CCSER1: variants seen among roughly 807,000 people sequenced by gnomAD.
CCSER1 encodes the protein coiled-coil serine rich protein 1.
Under a neutral mutation model 82.0 loss-of-function variants are expected in CCSER1, and 41 were observed. The observed-to-expected ratio is 0.50, with a 90% CI of 0.39 to 0.65. The LOEUF is 0.65. Ranked by LOEUF, CCSER1 falls within the 30% of genes least tolerant of loss-of-function variation. The probability of loss-of-function intolerance (pLI) is 0.00; values close to 1 mark genes in which losing one functional copy is unlikely to be tolerated. For missense variants in CCSER1, 1,119 were observed against 1,064.2 expected (o/e 1.05, Z -0.72); for synonymous variants, 414 against 383.9 (o/e 1.08, Z -0.92).
intron 9 of CCSER1, among the ~76,000 whole-genome samples, chr4:91,060,942 T>C (rs1743898877): frequency 6.6e-6 from 1 of 152,064 alleles, no homozygotes; most frequent in Non-Finnish European, 1.5e-5. Flanking sequence ...ATATTGTTGG[T>C]TTTTGATACA....
At chr4:90,515,789 A>G (rs1204628324) in intron 5 of CCSER1, among the ~76,000 whole-genome samples, 1 of 152,174 alleles carries the variant, frequency 6.6e-6, no homozygotes, top group Non-Finnish European at 1.5e-5. Flanking sequence ...ACAAATTGTT[A>G]TATGTCAGAA....
At chr4:91,347,988 A>G (rs1338858506) in intron 10 of CCSER1, among the ~76,000 whole-genome samples, 1 of 151,464 alleles carries the variant, frequency 6.6e-6, no homozygotes, top group Non-Finnish European at 1.5e-5. Flanking sequence ...TTCTTATTTC[A>G]TTGGCTGGTA....
rs115585035 is a variant in CCSER1, at chr4:90,894,334, C to T, written c.2095-29036C>T. ...CACATTTTTTTAAACTAAAACAATA[C>T]AGCAGTCAAAGGAAATAGTTGATCT... On this transcript the variant is annotated intron_variant, in intron 8 of 10. Transcript: ENST00000509176. 9.5e-3 allele frequency among the ~76,000 whole-genome samples: 1,439 copies of T among 152,046 alleles called. 20 individuals are homozygous for T. The highest frequency in any genetic ancestry group is 0.033 in the African/African-American group (1,373 of 41,514).
chr4:91,108,508 G>A (rs1337946554), intron 10 of CCSER1, among the ~76,000 whole-genome samples: 1 of 152,134 alleles, frequency 6.6e-6, no homozygotes, highest in African/African-American at 2.4e-5. Flanking sequence ...TGATACCATT[G>A]TCAAACCAAA....
At chr4:90,663,859 G>A (rs1475494810) in intron 6 of CCSER1, 3 of 365,866 alleles carry the variant, frequency 8.2e-6, no homozygotes, top group Non-Finnish European at 1.7e-5. Flanking sequence ...ACTTGTCAAG[G>A]ATGAGTGTTT....
At chr4:91,306,059 T>TGTG (rs1745048983) in intron 10 of CCSER1, among the ~76,000 whole-genome samples, 4 of 139,536 alleles carry the variant, frequency 2.9e-5, no homozygotes, top group Admixed American at 2.2e-4. Flanking sequence ...ATCAGTGTGT[T>TGTG]TGTGTGTGTG....
intron 1 of CCSER1, among the ~76,000 whole-genome samples, chr4:90,233,702 G>T (rs1203052749): frequency 1.3e-5 from 2 of 148,420 alleles, no homozygotes; most frequent in South Asian, 4.3e-4. Flanking sequence ...AAAAGCCTTC[G>T]CAGTGAAGTG....
chr4:90,883,546 T>G (rs890144359), intron 8 of CCSER1, among the ~76,000 whole-genome samples: 5 of 150,806 alleles, frequency 3.3e-5, no homozygotes, highest in Admixed American at 6.6e-5. Flanking sequence ...GAGATTTTTT[T>G]TTTAGGTCGA....
chr4:90,945,694 T>C (rs1732153322), intron 9 of CCSER1, among the ~76,000 whole-genome samples: 1 of 152,194 alleles, frequency 6.6e-6, no homozygotes, highest in South Asian at 2.1e-4. Context: ...TCTTCTCGCT[T>C]AGCTTGTTTG....
intron 3 of CCSER1, among the ~76,000 whole-genome samples, chr4:90,341,565 A>T (rs1741386373): frequency 6.6e-6 from 1 of 152,102 alleles, no homozygotes; most frequent in Admixed American, 6.5e-5. Flanking sequence ...TTACTAGTCT[A>T]GACAACTCAA....
chr4:90,631,647 G>C (rs1250610447), intron 6 of CCSER1, among the ~76,000 whole-genome samples: 21 of 152,088 alleles, frequency 1.4e-4, no homozygotes, highest in Admixed American at 1.2e-3. Flanking sequence ...ACTGTTTCAG[G>C]GTTGTGGAGT....
intron 3 of CCSER1, among the ~76,000 whole-genome samples, chr4:90,396,210 T>C (rs1751935986): frequency 6.6e-6 from 1 of 152,232 alleles, no homozygotes; most frequent in Admixed American, 6.5e-5. Flanking sequence ...ATCACTCTAC[T>C]TCTACATTCT....
At chr4:90,389,468 GTTC>G (rs1750615705) in intron 3 of CCSER1, among the ~76,000 whole-genome samples, 1 of 152,112 alleles carries the variant, frequency 6.6e-6, no homozygotes, top group Admixed American at 6.5e-5. Flanking sequence ...GGAAACTGCT[GTTC>G]TTCATCAAAA....
intron 10 of CCSER1, among the ~76,000 whole-genome samples, chr4:91,589,574 C>CTTTTT (rs11411865): frequency 6.9e-6 from 1 of 144,608 alleles, no homozygotes; most frequent in African/African-American, 2.5e-5. Context: ...ACAAGAGGCT[C>CTTTTT]TTTTTTTTTT....
chr4:91,059,771 A>G (rs1743803114), intron 9 of CCSER1, among the ~76,000 whole-genome samples: 2 of 151,950 alleles, frequency 1.3e-5, no homozygotes, highest in African/African-American at 4.8e-5. Context: ...TGTATTTGGC[A>G]CATTTTTTTC....
chr4:91,506,335 G>A (rs1301135697), intron 10 of CCSER1, among the ~76,000 whole-genome samples: 1 of 152,008 alleles, frequency 6.6e-6, no homozygotes, highest in Non-Finnish European at 1.5e-5. Flanking sequence ...GGCTACCGTA[G>A]CCTTGTATTC....
At chr4:91,484,393 T>G (rs545116411) in intron 10 of CCSER1, among the ~76,000 whole-genome samples, 8 of 152,282 alleles carry the variant, frequency 5.3e-5, no homozygotes, top group Admixed American at 2.6e-4. Context: ...CAGTCACTAC[T>G]GCATAGACAA....
intron 10 of CCSER1, among the ~76,000 whole-genome samples, chr4:91,279,417 A>G (rs1020508383): frequency 2.4e-4 from 37 of 152,084 alleles, no homozygotes; most frequent in Non-Finnish European, 8.8e-5. Flanking sequence ...TATGTCTCAT[A>G]GATTTTGTTC....
At chr4:90,501,755 A>G (rs957643731) in intron 5 of CCSER1, among the ~76,000 whole-genome samples, 7 of 152,324 alleles carry the variant, frequency 4.6e-5, no homozygotes, top group Middle Eastern at 3.4e-3. Context: ...AGGAAACACA[A>G]TTAAGATGAT....
Sources: gnomAD v4.1 joint callset for allele counts (sites outside exome capture counted in the v4.1 genomes callset) on GRCh38, gnomAD v4.1.1 for gene constraint, MANE v1.5 for transcripts, NCBI Gene and HGNC (gene_info 2026-07-23, HGNC 2026-07-21) for gene names.